The following MGAT4C variants were observed in gnomAD, a reference collection of about 807,000 sequenced individuals.
MGAT4C encodes the protein alpha-1,3-mannosyl-glycoprotein 4-beta-N-acetylglucosaminyltransferase C.
A neutral mutation model predicts 40.1 loss-of-function variants in MGAT4C; 19 were observed. The observed-to-expected ratio is 0.47, with a 90% confidence interval of 0.33 to 0.70. The LOEUF is 0.70. Among genes scored for constraint, MGAT4C ranks in the 30% least tolerant of loss-of-function variants. The probability of loss-of-function intolerance (pLI) is 0.02; values close to 1 mark genes in which losing one functional copy is unlikely to be tolerated. For missense variants in MGAT4C, 491 were observed against 563.2 expected, an observed-to-expected ratio of 0.87 and a Z score of 1.30; for synonymous variants, 181 against 187.1, an observed-to-expected ratio of 0.97 and a Z score of 0.27.
chr12:86,109,963 T>C lies in MGAT4C; in HGVS notation c.-56-60240A>G, dbSNP rs1592963321. On this transcript the variant is annotated intron_variant, in intron 1 of 4. Transcript: ENST00000611864. ...CTTCGTGGGAAAGGTGCCTGGAGAATGAATAGGAGTTATTCAGATGAAGAA... is the reference window on the plus strand; with the variant it reads ...CTTCGTGGGAAAGGTGCCTGGAGAACGAATAGGAGTTATTCAGATGAAGAA... Among the ~76,000 whole-genome samples the C allele has an allele frequency of 2.0e-5, 3 of 151,728 alleles. No individual in the cohort carries two copies. In the East Asian group the frequency reaches 5.9e-4, roughly 30 times the overall value.
intron 1 of MGAT4C, among the ~76,000 whole-genome samples, chr12:86,103,604 C>A (rs1875534511): frequency 6.6e-6 from 1 of 152,102 alleles, no homozygotes; most frequent in African/African-American, 2.4e-5. Context: ...TTATGGTAGC[C>A]ACAGGAAGCT....
At chr12:86,441,388 T>C (rs1957225029) in intron 2 of MGAT4C, among the ~76,000 whole-genome samples, 1 of 151,756 alleles carries the variant, frequency 6.6e-6, no homozygotes, top group South Asian at 2.1e-4. Context: ...AGGGTACATG[T>C]GCACAACGTG....
intron 2 of MGAT4C, among the ~76,000 whole-genome samples, chr12:86,435,696 T>C (rs753191377): frequency 4.6e-5 from 7 of 151,822 alleles, no homozygotes; most frequent in Non-Finnish European, 7.4e-5. Context: ...ACATTCTATA[T>C]CTCTGCTTTG....
chr12:86,504,317 T>C (rs1201299482), intron 2 of MGAT4C, among the ~76,000 whole-genome samples: 1 of 152,100 alleles, frequency 6.6e-6, no homozygotes, highest in Non-Finnish European at 1.5e-5. Context: ...GGTACATATG[T>C]GTGTGTAAAG....
intron 1 of MGAT4C, among the ~76,000 whole-genome samples, chr12:86,753,310 A>G (rs7138119): frequency 0.49 from 73,958 of 152,072 alleles, 18,354 homozygotes; most frequent in African/African-American, 0.56. Context: ...AAGCCTGAGC[A>G]ATCTCTGTCT....
At chr12:86,443,904 A>C (rs1256128273) in intron 2 of MGAT4C, among the ~76,000 whole-genome samples, 1 of 150,776 alleles carries the variant, frequency 6.6e-6, no homozygotes, top group Non-Finnish European at 1.5e-5. Flanking sequence ...TGTCTACAAA[A>C]CTCTTTTAAC....
intron 2 of MGAT4C, among the ~76,000 whole-genome samples, chr12:85,992,823 G>GACCTTTGC (rs1886110046): frequency 6.6e-6 from 1 of 152,206 alleles, no homozygotes; most frequent in Non-Finnish European, 1.5e-5. Context: ...GCCTTGCAGG[G>GACCTTTGC]CAATTCGGAC....
At chr12:86,588,367 T>C (rs1961161002) in intron 2 of MGAT4C, among the ~76,000 whole-genome samples, 2 of 151,898 alleles carry the variant, frequency 1.3e-5, no homozygotes, top group South Asian at 4.1e-4. Context: ...CCTAAATATA[T>C]ATGCACCCAA....
At chr12:86,313,589 A>G (rs1954130257) in intron 4 of MGAT4C, among the ~76,000 whole-genome samples, 1 of 152,226 alleles carries the variant, frequency 6.6e-6, no homozygotes, top group Admixed American at 6.5e-5. Flanking sequence ...AAGTGAGAAA[A>G]GCCAGGAGAA....
chr12:86,608,503 AG>A (rs1962125822), intron 2 of MGAT4C, among the ~76,000 whole-genome samples: 1 of 152,090 alleles, frequency 6.6e-6, no homozygotes, highest in South Asian at 2.1e-4. Flanking sequence ...GCTTGAGCCC[AG>A]GAGTTTATGG....
chr12:86,592,588 G>T (rs2136450120), intron 2 of MGAT4C, among the ~76,000 whole-genome samples: 1 of 152,214 alleles, frequency 6.6e-6, no homozygotes, highest in African/African-American at 2.4e-5. Context: ...ATTTTAGGCG[G>T]CTGAAAGGGA....
At chr12:86,268,865 T>TA (rs1952860969) in intron 4 of MGAT4C, among the ~76,000 whole-genome samples, 1 of 146,034 alleles carries the variant, frequency 6.8e-6, no homozygotes, top group African/African-American at 2.5e-5. Context: ...ATTATGCATA[T>TA]ACATTTAAAA....
intron 3 of MGAT4C, among the ~76,000 whole-genome samples, chr12:86,402,090 T>C (rs1366310275): frequency 6.6e-6 from 1 of 151,944 alleles, no homozygotes; most frequent in African/African-American, 2.4e-5. Flanking sequence ...CCTTTAAGGG[T>C]ATACTTTAAT....
intron 2 of MGAT4C, among the ~76,000 whole-genome samples, chr12:86,493,803 T>C (rs1348400792): frequency 6.6e-6 from 1 of 151,642 alleles, no homozygotes; most frequent in Non-Finnish European, 1.5e-5. Context: ...ATAATAATAA[T>C]AAAATAAAAT....
At chr12:86,758,404 T>C (rs1229400161) in intron 1 of MGAT4C, among the ~76,000 whole-genome samples, 1 of 147,878 alleles carries the variant, frequency 6.8e-6, no homozygotes, top group African/African-American at 2.5e-5. Context: ...AAAAAGAAAC[T>C]AACATTAATT....
At chr12:86,254,239 T>C (rs546829836) in intron 1 of MGAT4C, among the ~76,000 whole-genome samples, 93 of 152,102 alleles carry the variant, frequency 6.1e-4, no homozygotes, top group African/African-American at 2.2e-3. Flanking sequence ...AAAAACTTTT[T>C]GTGAAATGAA....
At chr12:86,112,294 A>C (rs1360787548) in intron 1 of MGAT4C, among the ~76,000 whole-genome samples, 1 of 151,546 alleles carries the variant, frequency 6.6e-6, no homozygotes, top group Non-Finnish European at 1.5e-5. Context: ...TCTCTTCCTC[A>C]TTTCTAGTGG....
intron 3 of MGAT4C, among the ~76,000 whole-genome samples, chr12:86,350,475 GAGCAAGCGTAAGCCTAGTGACAA>G (rs1336532683): frequency 6.6e-6 from 1 of 152,116 alleles, no homozygotes; most frequent in African/African-American, 2.4e-5. Context: ...TTATTTTACA[GAGCAAGCGTAAGCCTAGTGACAA>G]AGCAAGAAAA....
chr12:86,439,418 T>C (rs1957190222), intron 2 of MGAT4C, among the ~76,000 whole-genome samples: 2 of 151,964 alleles, frequency 1.3e-5, no homozygotes, highest in Non-Finnish European at 2.9e-5. Context: ...CTAAAAACTA[T>C]TCAAAATGAA....
Sources: gnomAD v4.1 joint callset for allele counts (sites outside exome capture counted in the v4.1 genomes callset) on GRCh38, gnomAD v4.1.1 for gene constraint, MANE v1.5 for transcripts, NCBI Gene and HGNC (gene_info 2026-07-23, HGNC 2026-07-21) for gene names.